The following UTY variants were observed in gnomAD, a reference collection of about 807,000 sequenced individuals.
UTY encodes the protein ubiquitously transcribed tetratricopeptide repeat containing, Y-linked.
Under a neutral mutation model 32.5 loss-of-function variants are expected in UTY, and 12 were observed. The observed-to-expected ratio is 0.37, with a 90% confidence interval of 0.24 to 0.60. The LOEUF (loss-of-function observed/expected upper bound fraction) is 0.60. Among genes scored for constraint, UTY ranks in the 20% least tolerant of loss-of-function variants. The pLI is 0.69. For missense variants in UTY, 303 were observed against 299.2 expected (o/e 1.01, Z -0.09); for synonymous variants, 131 against 103.4 (o/e 1.27, Z -1.62).
intron 8 of UTY, among the ~76,000 whole-genome samples, chrY:13,372,680 T>A: frequency 3.0e-5 from 1 of 33,320 alleles, no homozygotes; most frequent in African/African-American, 1.2e-4. Flanking sequence ...ATGCAAATCA[T>A]GTATTTGGCA....
intron 25 of UTY, among the ~76,000 whole-genome samples, chrY:13,301,481 T>C: frequency 3.0e-5 from 1 of 33,445 alleles, no homozygotes; most frequent in African/African-American, 1.2e-4. Flanking sequence ...TTTTGAATCT[T>C]AGGATAAATG....
chrY:13,303,873 T>C, intron 24 of UTY, among the ~76,000 whole-genome samples: 2 of 33,745 alleles, frequency 5.9e-5, no homozygotes, highest in Admixed American at 5.4e-4. Context: ...TATTATTCAT[T>C]GGCAGACTTG....
intron 3 of UTY, among the ~76,000 whole-genome samples, chrY:13,469,251 G>A: frequency 4.6e-5 from 1 of 21,758 alleles, no homozygotes; most frequent in Non-Finnish European, 1.0e-4. Context: ...TTGCTCTGTT[G>A]CCTAGGCTGG....
chrY:13,430,582 T>G, intron 4 of UTY, among the ~76,000 whole-genome samples: 2 of 32,548 alleles, frequency 6.1e-5, no homozygotes, highest in African/African-American at 2.4e-4. Flanking sequence ...TCATCTCTGA[T>G]TGTGCTTATT....
At chrY:13,313,064 G>A in intron 21 of UTY, among the ~76,000 whole-genome samples, 1 of 32,879 alleles carries the variant, frequency 3.0e-5, no homozygotes. Context: ...CTACCCAGTG[G>A]AAAACAGAGC....
intron 10 of UTY, among the ~76,000 whole-genome samples, chrY:13,365,814 T>C: frequency 6.0e-5 from 2 of 33,149 alleles, no homozygotes; most frequent in African/African-American, 2.4e-4. Flanking sequence ...GATTAATAAC[T>C]ACAGCTACAC....
chrY:13,382,923 A>C, intron 8 of UTY, among the ~76,000 whole-genome samples: 1 of 33,912 alleles, frequency 2.9e-5, no homozygotes, highest in Non-Finnish European at 7.3e-5. Context: ...ATTAAAGGAA[A>C]ATAAAACTTA....
chrY:13,446,980 A>G, intron 4 of UTY, among the ~76,000 whole-genome samples: 1 of 32,601 alleles, frequency 3.1e-5, no homozygotes, highest in Non-Finnish European at 7.5e-5. Context: ...TTTTTAAATT[A>G]TTGCACTTTA....
At chrY:13,276,969 C>G (rs778717111) in intron 27 of UTY, among the ~76,000 whole-genome samples, 1 of 34,055 alleles carries the variant, frequency 2.9e-5, no homozygotes, top group South Asian at 6.4e-4. Context: ...ACACACAAAA[C>G]TGAGTGAGTT....
chrY:13,370,860 C>A, intron 8 of UTY, among the ~76,000 whole-genome samples: 1 of 32,146 alleles, frequency 3.1e-5, no homozygotes. Context: ...ACCAGTCTGA[C>A]CAACATGGTG....
intron 28 of UTY, among the ~76,000 whole-genome samples, chrY:13,257,372 A>C (rs2054837467): frequency 2.9e-5 from 1 of 33,963 alleles, no homozygotes. Flanking sequence ...TATCCCATAC[A>C]ATTCTCAAGG....
At chrY:13,346,475 C>A in intron 17 of UTY, among the ~76,000 whole-genome samples, 1 of 33,692 alleles carries the variant, frequency 3.0e-5, no homozygotes, top group African/African-American at 1.2e-4. Flanking sequence ...GCCGAAAGTA[C>A]TGCTAACAAT....
Position 13,335,583 on chromosome Y carries a change from T to C in UTY, c.2814A>G (p.Thr938=). The change falls in exon 18 of 30, where the codon ACA becomes ACG. Residue 938 remains threonine, a synonymous_variant. Coordinates refer to ENST00000545955, the MANE Select transcript of UTY (RefSeq NM_001258249.2). ...CTAACCTGCATGCTTTCAGAACTTC[T>C]GTTGAACTGGGGCATATAGACACTG... The part of the protein sequence containing the change: ...SMSVSICPSS[T]EVLKACRNPG... 1 of 398,936 alleles carries C rather than the reference T, an allele frequency of 2.5e-6. No homozygotes were observed. The highest frequency in any genetic ancestry group is 3.5e-6 in the Non-Finnish European group (1 of 283,611).
At chrY:13,396,720 T>A in intron 7 of UTY, 198 bp downstream of exon 7, 1 of 101,075 alleles carries the variant, frequency 9.9e-6, no homozygotes, top group Non-Finnish European at 1.9e-5. Context: ...TCTACAGTTA[T>A]CAAATAATAA....
At chrY:13,337,713 T>TA (rs2061180010) in intron 17 of UTY, among the ~76,000 whole-genome samples, 1 of 33,325 alleles carries the variant, frequency 3.0e-5, no homozygotes, top group Non-Finnish European at 7.4e-5. Flanking sequence ...AGAATTGGTG[T>TA]AAGAAAAACT....
At chrY:13,436,064 C>A in intron 4 of UTY, among the ~76,000 whole-genome samples, 4 of 32,952 alleles carry the variant, frequency 1.2e-4, no homozygotes, top group Admixed American at 2.7e-4. Context: ...TGACATTCAG[C>A]CCTGAAGCCG....
At chrY:13,362,502 G>C (rs2063657188) in intron 10 of UTY, among the ~76,000 whole-genome samples, 1 of 33,753 alleles carries the variant, frequency 3.0e-5, no homozygotes, top group South Asian at 6.4e-4. Context: ...CAATCCAATT[G>C]AAAAGCTAAA....
chrY:13,335,734 A>C lies in UTY; in HGVS notation c.2663T>G (p.Leu888Arg). Residue 888 changes from leucine to arginine, a missense_variant, in exon 18 of 30, where the codon CTT (leucine) becomes CGT (arginine). Leu to Arg is a moderately radical substitution (Grantham distance 102). Coordinates refer to ENST00000545955, the MANE Select transcript of UTY (RefSeq NM_001258249.2). ...EQRSINSVTS[L>R]NSPHSGLHTV... ...GTGTAATCCACTGTGAGGACTGTTA[A>C]GGCTGGTAACACTGTTTATGCTTCT... The C allele has an allele frequency of 5.0e-6, 2 of 399,259 alleles. No homozygotes were observed. Among genetic ancestry groups the C allele is most frequent in the Non-Finnish European group, 7.0e-6 (2 of 283,719 alleles).
At chrY:13,261,801 C>T (rs767764520) in intron 27 of UTY, among the ~76,000 whole-genome samples, 1 of 33,508 alleles carries the variant, frequency 3.0e-5, no homozygotes, top group Non-Finnish European at 7.4e-5. Context: ...ACATAATTTT[C>T]AGTTTGCCTT....
Sources: allele counts gnomAD v4.1 joint callset (sites outside exome capture counted in the v4.1 genomes callset), GRCh38; gene constraint gnomAD v4.1.1; transcripts MANE v1.5; gene names NCBI Gene and HGNC (gene_info 2026-07-23, HGNC 2026-07-21).